EFHC1: variants seen among roughly 807,000 people sequenced by gnomAD.
EFHC1 encodes EF-hand domain-containing protein 1.
A neutral mutation model predicts 69.9 loss-of-function variants in EFHC1; 53 were observed. The observed-to-expected ratio is 0.76, with a 90% CI of 0.61 to 0.95. The LOEUF (loss-of-function observed/expected upper bound fraction) is 0.95. Ranked by LOEUF, EFHC1 falls within the 40% of genes least tolerant of loss-of-function variation. EFHC1 has a pLI of 0.00. For synonymous variants in EFHC1, 256 were observed against 278.4 expected, an observed-to-expected ratio of 0.92 and a Z score of 0.80; for missense variants, 739 against 798.7, an observed-to-expected ratio of 0.93 and a Z score of 0.90.
At chr6:52,432,945 G>C (rs1378329198) in intron 2 of EFHC1, among the ~76,000 whole-genome samples, 1 of 151,780 alleles carries the variant, frequency 6.6e-6, no homozygotes, top group African/African-American at 2.4e-5. Flanking sequence ...TTTGAGCTCT[G>C]AAGTTCTTTC....
chr6:52,488,207 C>T (rs1765826227), intron 9 of EFHC1: 1 of 152,138 alleles, frequency 6.6e-6, no homozygotes, highest in African/African-American at 2.4e-5. Context: ...GGTTTGACTG[C>T]TTTCTGCCAC....
At chr6:52,473,360 G>T (rs1362693046) in intron 7 of EFHC1, among the ~76,000 whole-genome samples, 2 of 152,140 alleles carry the variant, frequency 1.3e-5, no homozygotes, top group Non-Finnish European at 2.9e-5. Flanking sequence ...GTGGAAATCA[G>T]GTCTAGGTAG....
At chr6:52,468,235 T>G (rs1765353788) in intron 6 of EFHC1, among the ~76,000 whole-genome samples, 2 of 152,154 alleles carry the variant, frequency 1.3e-5, no homozygotes, top group South Asian at 4.1e-4. Context: ...CTAGCTTGGT[T>G]GAAGATGTCC....
rs188442594 is a variant in EFHC1, at chr6:52,450,256, G to C, written c.574-2432G>C. Among the ~76,000 whole-genome samples the C allele has an allele frequency of 6.0e-4, 91 of 152,318 alleles. 1 individual carries two copies. Among genetic ancestry groups the C allele is most frequent in the Non-Finnish European group, 6.6e-4 (45 of 68,024 alleles). ...GTCGATTTTAGAATATGTGCCATGT[G>C]GTGATGAGAATAACGTATACTCTGT... On this transcript the variant is annotated intron_variant, in intron 3 of 10. Coordinates refer to ENST00000371068, the MANE Select transcript of EFHC1 (RefSeq NM_018100.4).
intron 2 of EFHC1, among the ~76,000 whole-genome samples, chr6:52,434,884 C>G (rs1365776153): frequency 6.7e-6 from 1 of 148,674 alleles, no homozygotes; most frequent in Non-Finnish European, 1.5e-5. Flanking sequence ...TACCTGAGAC[C>G]ATATATATAT....
At chr6:52,482,623 C>T in intron 9 of EFHC1, 1 of 391,894 alleles carries the variant, frequency 2.6e-6, no homozygotes, top group Non-Finnish European at 4.5e-6. Context: ...CAACTTCCAA[C>T]ATTTTATGAT....
chr6:52,464,435 GTTAA>G (rs1364302689), intron 5 of EFHC1, among the ~76,000 whole-genome samples: 1 of 152,156 alleles, frequency 6.6e-6, no homozygotes, highest in Non-Finnish European at 1.5e-5. Context: ...TATCTACAGT[GTTAA>G]TTATCGTAAT....
At position 52,464,925 on chromosome 6, in the gene EFHC1, C is replaced by CT. The variant is rs1362237470; in HGVS notation, c.948dup (p.Asp317Ter). 4.3e-6 allele frequency: 7 copies of CT among 1,614,130 alleles called. No individual in the cohort carries two copies. The highest frequency in any genetic ancestry group is 5.9e-6 in the Non-Finnish European group (7 of 1,180,006). ...TTCCCTCAGTGTGTGCTAGAAATCT[C>CT]TGACCAAGAAGTGTTGGAATGGTAT... On this transcript the variant is annotated frameshift_variant, in exon 6 of 11. Transcript: ENST00000371068. LOFTEE classifies it high-confidence loss of function.
rs1221612292 is a variant in EFHC1, at chr6:52,422,965, TC to T, written c.64-979del. Among the ~76,000 whole-genome samples the T allele has an allele frequency of 2.0e-5, 3 of 152,238 alleles. No homozygotes were observed. In the East Asian group the frequency reaches 5.8e-4, roughly 29 times the overall value. On this transcript the variant is annotated intron_variant, in intron 1 of 10. Transcript: ENST00000371068. ...CAATATTTTAATGACAGCACCATAA[TC>T]CATTGAGTGAGTTTTCGATCATTTA...
rs1766071699 is a variant in EFHC1, at chr6:52,496,712, T to C, written c.*4371T>C. 4 of 152,316 alleles carry C rather than the reference T, an allele frequency of 2.6e-5. 1 individual carries two copies. Among genetic ancestry groups the C allele is most frequent in the African/African-American group, 9.6e-5 (4 of 41,550 alleles). The allele number at this position is 152,316 out of a possible 1,614,324, so 9.4% of individuals were successfully genotyped here. ...CACAAAAAGACTCGGAAGGGTTAAC[T>C]GCTTGAGTTCACCTAGCTTCTCATG... is the stretch of plus-strand genomic sequence containing the variant. On this transcript the variant is annotated 3_prime_UTR_variant, in exon 11 of 11. Transcript: ENST00000371068.
In EFHC1 at chr6:52,496,308, A is replaced by T. The variant is rs903197636; in HGVS notation, c.*3967A>T. 1 of 152,696 alleles carries T rather than the reference A, an allele frequency of 6.5e-6. No homozygotes were observed. The highest frequency in any genetic ancestry group is 1.5e-5 in the Non-Finnish European group (1 of 68,438). The allele number at this position is 152,696 out of a possible 1,614,324, so 9.5% of individuals were successfully genotyped here. A position where few individuals can be genotyped will look rare whatever the true frequency, so the allele number is the denominator to read the frequency against. On this transcript the variant is annotated 3_prime_UTR_variant, in exon 11 of 11. Transcript: ENST00000371068. ...CTGAAGCATTTGACTAAGACTGCTT[A>T]TAGTGCTTACGGCTTTGGGACTAAT...
At chr6:52,457,194 A>C (rs1323529524) in intron 5 of EFHC1, among the ~76,000 whole-genome samples, 1 of 152,240 alleles carries the variant, frequency 6.6e-6, no homozygotes, top group East Asian at 1.9e-4. Flanking sequence ...TAAGAAGACA[A>C]GGCATATAAA....
chr6:52,476,127 G>C (rs1371019062), intron 7 of EFHC1, among the ~76,000 whole-genome samples: 3 of 152,210 alleles, frequency 2.0e-5, no homozygotes, highest in African/African-American at 7.2e-5. Flanking sequence ...TCTGCAACCA[G>C]TGGTATAACA....
intron 3 of EFHC1, among the ~76,000 whole-genome samples, chr6:52,443,880 G>C (rs1335860958): frequency 6.6e-6 from 1 of 152,012 alleles, no homozygotes; most frequent in Non-Finnish European, 1.5e-5. Flanking sequence ...ACCTTGTGCA[G>C]TATGGCCATT....
intron 7 of EFHC1, among the ~76,000 whole-genome samples, chr6:52,478,376 G>A (rs1562461807): frequency 6.6e-6 from 1 of 151,942 alleles, no homozygotes; most frequent in African/African-American, 2.4e-5. Context: ...GTATACATAT[G>A]TAACTAACCT....
intron 7 of EFHC1, among the ~76,000 whole-genome samples, chr6:52,472,372 A>G (rs1765456353): frequency 6.6e-6 from 1 of 152,252 alleles, no homozygotes; most frequent in Admixed American, 6.5e-5. Flanking sequence ...ACAGGAAGCG[A>G]ATAAACAAGT....
At chr6:52,445,296 T>TTA (rs1764756469) in intron 3 of EFHC1, among the ~76,000 whole-genome samples, 5 of 150,278 alleles carry the variant, frequency 3.3e-5, no homozygotes, top group Admixed American at 6.6e-5. Context: ...TTAATTAATT[T>TTA]ATTTATTTTT....
chr6:52,465,007 C>G lies in EFHC1; in HGVS notation c.1029C>G (p.Phe343Leu), dbSNP rs377235781. The stretch of plus-strand genomic sequence containing the variant: ...TCACTATCCTTGGGAGAACTTTCTT[C>G]ATTTATGATTGTGATCCATTTACTC... ...KSLTILGRTF[F>L]IYDCDPFTRR... is the part of the protein sequence containing the mutation. Residue 343 changes from phenylalanine to leucine, a missense_variant, in exon 6 of 11, where the codon TTC becomes TTG. Transcript: ENST00000371068. 5.6e-6 allele frequency: 9 copies of G among 1,614,146 alleles called. No individual in the cohort carries two copies. The South Asian group carries it at 9.9e-5, about 18-fold the overall frequency.
chr6:52,446,461 C>T (rs9382108), intron 3 of EFHC1, among the ~76,000 whole-genome samples: 6,535 of 152,114 alleles, frequency 0.043, 185 homozygotes, highest in South Asian at 0.093. Flanking sequence ...TGTCTCTGCA[C>T]GTCAGATGGG....
Sources: allele counts gnomAD v4.1 joint callset (sites outside exome capture counted in the v4.1 genomes callset), GRCh38; gene constraint gnomAD v4.1.1; transcripts MANE v1.5; gene names NCBI Gene and HGNC (gene_info 2026-07-23, HGNC 2026-07-21).